Variants in WIPF2 observed in about 807,000 individuals in gnomAD.
The protein encoded by WIPF2 is WAS/WASL-interacting protein family member 2.
A neutral mutation model predicts 38.8 loss-of-function variants in WIPF2; 23 were observed. The observed-to-expected ratio is 0.59, with a 90% CI of 0.43 to 0.84. The LOEUF is 0.84. Among genes scored for constraint, WIPF2 ranks in the 40% least tolerant of loss-of-function variants. WIPF2 has a pLI of 0.00. For missense variants in WIPF2, 574 were observed against 580.5 expected (o/e 0.99, Z 0.11); for synonymous variants, 210 against 223.2 (o/e 0.94, Z 0.53).
chr17:40,220,613 A>C (rs868004109), intron 1 of WIPF2: 1 of 81,894 alleles, frequency 1.2e-5, no homozygotes, highest in Admixed American at 1.3e-4. Flanking sequence ...ATATATATAT[A>C]TATATGTATA....
intron 6 of WIPF2, among the ~76,000 whole-genome samples, chr17:40,274,931 C>CAAA (rs777312230): frequency 2.9e-4 from 13 of 45,426 alleles, no homozygotes; most frequent in Non-Finnish European, 4.0e-4. Flanking sequence ...GAATCTGTCT[C>CAAA]AAAAAAAAAA....
At chr17:40,260,733 G>T (rs1475967353) in intron 3 of WIPF2, 66 bp downstream of exon 3, 2 of 1,609,534 alleles carry the variant, frequency 1.2e-6, no homozygotes, top group Non-Finnish European at 1.7e-6. Context: ...GACTTGGCTG[G>T]GTTCTTATTT....
Position 40,219,355 on chromosome 17 carries a change from G to T in WIPF2, c.-207G>T. The stretch of plus-strand genomic sequence containing the variant: ...TGGGAGCAGATCCATTTCCGGGTTG[G>T]CAAAAGGGGCGGTGGCGGCGGCGGC... On this transcript the variant is annotated 5_prime_UTR_variant, in exon 1 of 8. Coordinates refer to ENST00000323571, the MANE Select transcript of WIPF2 (RefSeq NM_133264.5). The T allele has an allele frequency of 2.6e-6, 1 of 390,524 alleles. No individual in the cohort carries two copies. Among genetic ancestry groups the T allele is most frequent in the South Asian group, 2.4e-5 (1 of 41,700 alleles). 24.2% of individuals were successfully genotyped at this position (390,524 alleles called of 1,614,324 possible). A position where few individuals can be genotyped will look rare whatever the true frequency, so the allele number is the denominator to read the frequency against.
chr17:40,234,506 G>C (rs936536815), intron 1 of WIPF2, among the ~76,000 whole-genome samples: 2 of 152,100 alleles, frequency 1.3e-5, no homozygotes, highest in African/African-American at 4.8e-5. Context: ...TGTAGTTCCA[G>C]CTATTTGGGA....
At chr17:40,222,711 C>G (rs2030304308) in intron 1 of WIPF2, among the ~76,000 whole-genome samples, 1 of 127,530 alleles carries the variant, frequency 7.8e-6, no homozygotes, top group Admixed American at 9.7e-5. Context: ...GCTCCTGCTG[C>G]CCAGGCTGGA....
intron 1 of WIPF2, among the ~76,000 whole-genome samples, chr17:40,251,108 G>T (rs529671394): frequency 2.0e-5 from 3 of 151,872 alleles, no homozygotes; most frequent in South Asian, 2.1e-4. Flanking sequence ...TAGAGACGGG[G>T]TTTCACTGTG....
intron 1 of WIPF2, chr17:40,220,599 A>ATG (rs1567705788): frequency 1.6e-4 from 13 of 83,058 alleles, no homozygotes; most frequent in Non-Finnish European, 2.0e-4. Context: ...ATATATATAT[A>ATG]TATATATATA....
At chr17:40,274,062 T>C in intron 6 of WIPF2, 63 bp downstream of exon 6, 8 of 1,373,288 alleles carry the variant, frequency 5.8e-6, no homozygotes, top group Non-Finnish European at 7.8e-6. Context: ...TCCAGTGCCA[T>C]GGCTGCTAGA....
intron 1 of WIPF2, among the ~76,000 whole-genome samples, chr17:40,237,387 T>G (rs935449659): frequency 7.9e-5 from 12 of 151,392 alleles, no homozygotes; most frequent in African/African-American, 2.9e-4. Context: ...ATTACAGGCG[T>G]GCGCCACAAC....
intron 5 of WIPF2, among the ~76,000 whole-genome samples, chr17:40,265,737 C>G (rs976911490): frequency 6.6e-6 from 1 of 152,064 alleles, no homozygotes; most frequent in Non-Finnish European, 1.5e-5. Flanking sequence ...TTGCAAAGAC[C>G]TTGGATTTAA....
intron 1 of WIPF2, among the ~76,000 whole-genome samples, chr17:40,222,587 T>TGTGTG (rs1027492144): frequency 0.034 from 4,944 of 146,338 alleles, 160 homozygotes; most frequent in African/African-American, 0.084. Context: ...GTGTGTGTGT[T>TGTGTG]TGTGTGTGTG....
At position 40,282,048 on chromosome 17, in the gene WIPF2, C is replaced by T. The variant is rs1175234077; in HGVS notation, c.*3823C>T. The stretch of plus-strand genomic sequence containing the variant: ...GAGAGGAGGGCCATTACAACTCTGC[C>T]TTCAAGACTCATCTCTTAAAAACAA... On this transcript the variant is annotated 3_prime_UTR_variant, in exon 8 of 8. Coordinates refer to ENST00000323571, the MANE Select transcript of WIPF2 (RefSeq NM_133264.5). The T allele has an allele frequency of 6.8e-6, 1 of 146,336 alleles. No individual in the cohort carries two copies. The highest frequency in any genetic ancestry group is 2.6e-5 in the African/African-American group (1 of 38,570). The allele number at this position is 146,336 out of a possible 1,614,324, so 9.1% of individuals were successfully genotyped here. A position where few individuals can be genotyped will look rare whatever the true frequency, so the allele number is the denominator to read the frequency against.
intron 1 of WIPF2, among the ~76,000 whole-genome samples, chr17:40,239,086 ATTTG>A (rs1391912931): frequency 2.7e-5 from 4 of 146,052 alleles, no homozygotes; most frequent in Non-Finnish European, 3.0e-5. Flanking sequence ...TTATTTATTT[ATTTG>A]AGACGGAGTC....
intron 5 of WIPF2, among the ~76,000 whole-genome samples, chr17:40,269,597 T>A (rs1009059631): frequency 6.8e-6 from 1 of 147,140 alleles, no homozygotes; most frequent in Non-Finnish European, 1.5e-5. Flanking sequence ...AGTAAAACAC[T>A]GTCTTTTTTT....
At chr17:40,273,699 G>A (rs1598500844) in intron 5 of WIPF2, 91 bp from the exon 6 acceptor site, 2 of 795,474 alleles carry the variant, frequency 2.5e-6, no homozygotes, top group Non-Finnish European at 2.2e-6. Flanking sequence ...CCTCTGTGGG[G>A]TGTGTTACTC....
chr17:40,261,279 A>G (rs2031893148), intron 3 of WIPF2, among the ~76,000 whole-genome samples: 1 of 151,802 alleles, frequency 6.6e-6, no homozygotes, highest in Non-Finnish European at 1.5e-5. Context: ...GAGCCCAGAT[A>G]ACTATGTTGA....
At chr17:40,244,783 T>G (rs902968950) in intron 1 of WIPF2, among the ~76,000 whole-genome samples, 1 of 152,170 alleles carries the variant, frequency 6.6e-6, no homozygotes, top group Non-Finnish European at 1.5e-5. Context: ...ATTCCCATGT[T>G]AGAATTTTTT....
intron 1 of WIPF2, among the ~76,000 whole-genome samples, chr17:40,248,339 T>A (rs970882028): frequency 6.6e-6 from 1 of 151,830 alleles, no homozygotes; most frequent in Non-Finnish European, 1.5e-5. Context: ...TAATTTTTTT[T>A]ATAATTTTAG....
intron 5 of WIPF2, among the ~76,000 whole-genome samples, chr17:40,272,352 G>T (rs558711408): frequency 3.3e-5 from 5 of 152,218 alleles, no homozygotes; most frequent in Non-Finnish European, 5.9e-5. Context: ...GATGGTGGTG[G>T]GGCGACCTCA....
Sources: allele counts gnomAD v4.1 joint callset (sites outside exome capture counted in the v4.1 genomes callset), GRCh38; gene constraint gnomAD v4.1.1; transcripts MANE v1.5; gene names NCBI Gene and HGNC (gene_info 2026-07-23, HGNC 2026-07-21).